The following DLG2 variants were observed in gnomAD, a reference collection of about 807,000 sequenced individuals.
DLG2 encodes disks large homolog 2.
In DLG2, 45 loss-of-function variants were observed where a neutral mutation model predicts 132.5. The ratio of observed to expected loss-of-function variants is 0.34; its 90% CI spans 0.27 to 0.44. The LOEUF (loss-of-function observed/expected upper bound fraction) is 0.44, where lower values mean the gene tolerates loss of function less well. DLG2 is among the 20% of genes least tolerant of loss of function. The probability of loss-of-function intolerance (pLI) is 1.00; values close to 1 mark genes in which losing one functional copy is unlikely to be tolerated. For synonymous variants in DLG2, 424 were observed against 419.6 expected, an observed-to-expected ratio of 1.01 and a Z score of -0.13; for missense variants, 1,045 against 1,196.9, an observed-to-expected ratio of 0.87 and a Z score of 1.87.
At chr11:85,618,953 C>T (rs17148254) in intron 2 of DLG2, among the ~76,000 whole-genome samples, 1 of 151,994 alleles carries the variant, frequency 6.6e-6, no homozygotes, top group Non-Finnish European at 1.5e-5. Flanking sequence ...TTAGCATATG[C>T]TTTGTACTCT....
At chr11:84,020,360 A>G (rs545532501) in intron 11 of DLG2, among the ~76,000 whole-genome samples, 1 of 152,204 alleles carries the variant, frequency 6.6e-6, no homozygotes, top group Non-Finnish European at 1.5e-5. Flanking sequence ...ATATTCATAT[A>G]CATGCAGTAT....
intron 17 of DLG2, chr11:83,789,952 T>C (rs561909386): frequency 1.6e-6 from 2 of 1,255,974 alleles, no homozygotes; most frequent in South Asian, 2.9e-5. Flanking sequence ...AAGTGCAAGA[T>C]GCAGGGTTCT....
At chr11:83,821,705 A>T (rs1296778279) in intron 17 of DLG2, among the ~76,000 whole-genome samples, 1 of 151,930 alleles carries the variant, frequency 6.6e-6, no homozygotes, top group Non-Finnish European at 1.5e-5. Context: ...AATCAATAAG[A>T]GATATTCAAT....
chr11:83,818,474 G>A (rs2049750140), intron 17 of DLG2, among the ~76,000 whole-genome samples: 1 of 152,086 alleles, frequency 6.6e-6, no homozygotes, highest in Non-Finnish European at 1.5e-5. Flanking sequence ...ATTCGGGGTG[G>A]ACCTGCTTAT....
At chr11:83,644,545 A>G (rs2067550150) in intron 18 of DLG2, among the ~76,000 whole-genome samples, 1 of 152,080 alleles carries the variant, frequency 6.6e-6, no homozygotes, top group Non-Finnish European at 1.5e-5. Flanking sequence ...GAGATGCTAA[A>G]TGTGTTCCTA....
intron 6 of DLG2, among the ~76,000 whole-genome samples, chr11:84,702,887 G>C (rs188079267): frequency 6.6e-6 from 1 of 151,538 alleles, no homozygotes; most frequent in Middle Eastern, 3.2e-3. Context: ...CATATGAAAA[G>C]ATCTATAAAT....
intron 25 of DLG2, 56 bp downstream of exon 25, chr11:83,469,145 A>C: frequency 1.5e-6 from 2 of 1,339,330 alleles, no homozygotes; most frequent in East Asian, 2.4e-5. Flanking sequence ...AAAAAAATGC[A>C]GTTTGCAACC....
intron 7 of DLG2, among the ~76,000 whole-genome samples, chr11:84,483,430 C>CAAAAAA (rs56086759): frequency 0.044 from 3,918 of 89,544 alleles, 94 homozygotes; most frequent in Non-Finnish European, 0.053. Context: ...GACTCCGCCT[C>CAAAAAA]AAAAAAAAAA....
intron 22 of DLG2, among the ~76,000 whole-genome samples, chr11:83,483,912 G>A (rs1477197547): frequency 6.6e-6 from 1 of 152,088 alleles, no homozygotes; most frequent in Non-Finnish European, 1.5e-5. Flanking sequence ...TCCCAGTTTT[G>A]GCAAGTCTCT....
At chr11:84,236,974 G>A (rs1366995391) in intron 8 of DLG2, among the ~76,000 whole-genome samples, 1 of 150,616 alleles carries the variant, frequency 6.6e-6, no homozygotes, top group Non-Finnish European at 1.5e-5. Context: ...TGTCACTCAG[G>A]CTAGTGTGCA....
intron 7 of DLG2, among the ~76,000 whole-genome samples, chr11:84,471,169 T>C (rs79715287): frequency 1.3e-5 from 2 of 151,718 alleles, no homozygotes; most frequent in African/African-American, 2.4e-5. Context: ...ACCCCTGACT[T>C]AATGGACAAT....
chr11:83,899,999 C>A (rs956887353), intron 15 of DLG2, among the ~76,000 whole-genome samples: 6 of 152,104 alleles, frequency 3.9e-5, no homozygotes, highest in African/African-American at 1.4e-4. Flanking sequence ...CTGAGGTGGT[C>A]TCAGATGGAA....
intron 6 of DLG2, among the ~76,000 whole-genome samples, chr11:84,908,484 G>C (rs1019678944): frequency 2.0e-5 from 3 of 151,972 alleles, no homozygotes; most frequent in African/African-American, 7.2e-5. Context: ...ATAGCCCTAG[G>C]GACATCCATA....
At chr11:84,107,142 C>A (rs1377153124) in intron 9 of DLG2, among the ~76,000 whole-genome samples, 1 of 151,676 alleles carries the variant, frequency 6.6e-6, no homozygotes, top group Non-Finnish European at 1.5e-5. Flanking sequence ...AAAGAAGCCC[C>A]TGGGAAAGGG....
chr11:83,563,087 G>A (rs961909366), intron 19 of DLG2, among the ~76,000 whole-genome samples: 1 of 147,092 alleles, frequency 6.8e-6, no homozygotes, highest in Non-Finnish European at 1.5e-5. Context: ...CCATTCTCCT[G>A]CCTCAGCCTC....
chr11:85,110,226 A>G (rs746912628), intron 6 of DLG2, among the ~76,000 whole-genome samples: 4 of 152,020 alleles, frequency 2.6e-5, no homozygotes, highest in Non-Finnish European at 5.9e-5. Flanking sequence ...CCTGTTCAAC[A>G]GGGCAAAACC....
intron 6 of DLG2, among the ~76,000 whole-genome samples, chr11:84,630,566 C>T (rs896160709): frequency 2.6e-5 from 4 of 152,102 alleles, no homozygotes; most frequent in African/African-American, 9.7e-5. Flanking sequence ...AATGCATGAT[C>T]TTATCTATTA....
intron 3 of DLG2, among the ~76,000 whole-genome samples, chr11:85,466,285 C>G (rs1048973206): frequency 2.6e-5 from 4 of 152,162 alleles, no homozygotes; most frequent in Non-Finnish European, 4.4e-5. Flanking sequence ...ATGGTAGTTT[C>G]TTTTGCTGTG....
At chr11:84,670,912 T>C (rs1245304588) in intron 6 of DLG2, among the ~76,000 whole-genome samples, 1 of 152,130 alleles carries the variant, frequency 6.6e-6, no homozygotes, top group Non-Finnish European at 1.5e-5. Context: ...AGATACCTTT[T>C]TGTACTTATT....
Sources: gnomAD v4.1 joint callset for allele counts (sites outside exome capture counted in the v4.1 genomes callset) on GRCh38, gnomAD v4.1.1 for gene constraint, MANE v1.5 for transcripts, NCBI Gene and HGNC (gene_info 2026-07-23, HGNC 2026-07-21) for gene names.